LRP2: variants seen among roughly 807,000 people sequenced by gnomAD.
The protein encoded by LRP2 is low-density lipoprotein receptor-related protein 2.
Under a neutral mutation model 531.0 loss-of-function variants are expected in LRP2, and 172 were observed. That is an observed-to-expected ratio of 0.32 (90% CI 0.29 to 0.37). The LOEUF (loss-of-function observed/expected upper bound fraction) is 0.37. Among genes scored for constraint, LRP2 ranks in the 10% least tolerant of loss-of-function variants. The probability of loss-of-function intolerance (pLI) is 1.00; values close to 1 mark genes in which losing one functional copy is unlikely to be tolerated. For missense variants in LRP2, 5,167 were observed against 5,868.3 expected, an observed-to-expected ratio of 0.88 and a Z score of 3.90; for synonymous variants, 1,992 against 2,027.6, an observed-to-expected ratio of 0.98 and a Z score of 0.47.
intron 70 of LRP2, among the ~76,000 whole-genome samples, chr2:169,144,272 C>A (rs1385840735): frequency 1.3e-5 from 2 of 152,288 alleles, no homozygotes; most frequent in Middle Eastern, 3.4e-3. Context: ...ACAGATGGGG[C>A]CCACGAATCT....
At chr2:169,186,747 TG>T (rs1460473342) in intron 49 of LRP2, among the ~76,000 whole-genome samples, 1 of 152,208 alleles carries the variant, frequency 6.6e-6, no homozygotes. Flanking sequence ...TCCTTCCAGT[TG>T]TAAGAGTGAA....
At chr2:169,286,050 A>C (rs1325419283) in intron 9 of LRP2, among the ~76,000 whole-genome samples, 1 of 152,228 alleles carries the variant, frequency 6.6e-6, no homozygotes, top group African/African-American at 2.4e-5. Flanking sequence ...CTAAAAATTC[A>C]GCTCAGCTGA....
In LRP2 at chr2:169,172,072, G is replaced by A. The variant is rs1275575465; in HGVS notation, c.11206C>T (p.Arg3736Cys). 5 of 1,614,046 alleles carry A rather than the reference G, an allele frequency of 3.1e-6. No homozygotes were observed. Among genetic ancestry groups the A allele is most frequent in the Non-Finnish European group, 2.5e-6 (3 of 1,180,010 alleles). Residue 3736 changes from arginine (R) to cysteine (C), a missense_variant, in exon 58 of 79, where the codon CGT (arginine) becomes TGT (cysteine). Coordinates refer to ENST00000649046, the MANE Select transcript of LRP2 (RefSeq NM_004525.3). Reference sequence around the variant, plus strand: ...TCATTTTGCCCATCACACTGCCAACGAAGAGGGATGCAGTGGTGATTTTTA... The same window carrying A: ...TCATTTTGCCCATCACACTGCCAACAAAGAGGGATGCAGTGGTGATTTTTA... ...RCKNHHCIPL[R>C]WQCDGQNDCG...
intron 5 of LRP2, 66 bp downstream of exon 5, chr2:169,294,534 T>C: frequency 8.8e-7 from 1 of 1,133,752 alleles, no homozygotes; most frequent in Non-Finnish European, 1.3e-6. Flanking sequence ...ATGTACATAT[T>C]GGCTCTCTCA....
At chr2:169,178,602 T>C (rs1687305905) in intron 52 of LRP2, among the ~76,000 whole-genome samples, 1 of 152,210 alleles carries the variant, frequency 6.6e-6, no homozygotes, top group African/African-American at 2.4e-5. Context: ...AATCGTGCCA[T>C]GGCACCATTA....
At chr2:169,240,009 T>G (rs1689747836) in intron 25 of LRP2, among the ~76,000 whole-genome samples, 1 of 152,198 alleles carries the variant, frequency 6.6e-6, no homozygotes, top group South Asian at 2.1e-4. Flanking sequence ...CCTTCTTCAC[T>G]ACAACCCAAT....
chr2:169,291,048 C>T, intron 7 of LRP2, 51 bp from the exon 8 acceptor site: 1 of 1,562,548 alleles, frequency 6.4e-7, no homozygotes, highest in South Asian at 1.1e-5. Context: ...GTACAGCCAG[C>T]TCTTTGTTAA....
rs1486088245 is a variant in LRP2 at position 169,205,551 on chromosome 2, C to T, written c.7643G>A (p.Ser2548Asn). Residue 2548 changes from serine to asparagine, a missense_variant, in exon 41 of 79, where the codon AGC (serine) becomes AAC (asparagine). Coordinates refer to ENST00000649046, the MANE Select transcript of LRP2 (RefSeq NM_004525.3). ...CAGCCCACTGGGCATGACCAGACTG[C>T]TGTTCACAATGGGTACGCGGAAGTT... is the stretch of plus-strand genomic sequence containing the variant. ...GGNFRVPIVN[S>N]SLVMPSGLTL... 2 of 1,614,140 alleles carry T rather than the reference C, an allele frequency of 1.2e-6. No homozygotes were observed. Among genetic ancestry groups the T allele is most frequent in the South Asian group, 2.2e-5 (2 of 91,090 alleles).
chr2:169,128,737 T>C lies in LRP2; in HGVS notation c.13894A>G (p.Thr4632Ala), dbSNP rs1261677981. The change falls in exon 79 of 79, where the codon ACT becomes GCT. Residue 4632 changes from threonine to alanine, a missense_variant. Transcript: ENST00000649046. ...TCTTCTGTTGCAGAATAGGTTGGAGTTGGGTCTCTTCTCGAAGGAGGCTTA... is the reference window on the plus strand; with the variant it reads ...TCTTCTGTTGCAGAATAGGTTGGAGCTGGGTCTCTTCTCGAAGGAGGCTTA... ...KPKPPSRRDP[T>A]PTYSATEDTF... is the part of the protein sequence containing the mutation. 6.2e-7 allele frequency: 1 copy of C among 1,614,078 alleles called. No homozygotes were observed. Among genetic ancestry groups the C allele is most frequent in the Admixed American group, 1.7e-5 (1 of 59,996 alleles).
chr2:169,280,378 ACT>A lies in LRP2; in HGVS notation c.1311_1312del (p.Arg437SerfsTer10). On this transcript the variant is annotated frameshift_variant, in exon 11 of 79. Coordinates refer to ENST00000649046, the MANE Select transcript of LRP2 (RefSeq NM_004525.3). LOFTEE classifies it high-confidence loss of function. Reference sequence around the variant, plus strand: ...ATTTTGCACGGTGTCTGTCCAAAAAACTCTTTGCAGGTGATAGTGGAAAGCCA... The same window carrying A: ...ATTTTGCACGGTGTCTGTCCAAAAAACTTTGCAGGTGATAGTGGAAAGCCA... The A allele has an allele frequency of 6.2e-7, 1 of 1,613,740 alleles. No homozygotes were observed. Among genetic ancestry groups the A allele is most frequent in the Non-Finnish European group, 8.5e-7 (1 of 1,179,950 alleles).
At chr2:169,198,663 C>T in intron 45 of LRP2, 123 bp downstream of exon 45, 1 of 1,174,578 alleles carries the variant, frequency 8.5e-7, no homozygotes. Flanking sequence ...ACCACCTCTA[C>T]TTAGAAGGTC....
chr2:169,191,800 C>T (rs772775999), intron 48 of LRP2, 32 bp downstream of exon 48: 12 of 1,593,584 alleles, frequency 7.5e-6, no homozygotes, highest in South Asian at 1.1e-5. Flanking sequence ...ACATTTGAGG[C>T]ATGCTGGGTA....
Position 169,292,242 on chromosome 2 carries a change from C to A in LRP2, c.769+11G>T. ...AAATGCTTTTCAGTAGGAATCTCTT[C>A]CCCTCCTTACCACATCCATCTTCAT... On this transcript the variant is annotated intron_variant, in intron 7 of 78. Transcript: ENST00000649046. 4 of 1,557,840 alleles carry A rather than the reference C, an allele frequency of 2.6e-6. No homozygotes were observed. Among genetic ancestry groups the A allele is most frequent in the Non-Finnish European group, 3.5e-6 (4 of 1,128,584 alleles).
At chr2:169,234,697 C>T (rs1406913008) in intron 29 of LRP2, among the ~76,000 whole-genome samples, 1 of 152,154 alleles carries the variant, frequency 6.6e-6, no homozygotes, top group East Asian at 1.9e-4. Flanking sequence ...GAGGAATTGC[C>T]ACACTATCTT....
rs769515410 is a variant in LRP2 at position 169,244,685 on chromosome 2, A to G, written c.3430+8T>C. The G allele has an allele frequency of 6.2e-7, 1 of 1,614,220 alleles. No homozygotes were observed. The highest frequency in any genetic ancestry group is 8.5e-7 in the Non-Finnish European group (1 of 1,180,032). On this transcript the variant is annotated splice_region_variant and intron_variant, in intron 22 of 78. Transcript: ENST00000649046. ...TGACCAACCAAGGGAAACCAGCTCAAAACTTACTGCAGTTCTTTTCATCAG... is the reference window on the plus strand; with the variant it reads ...TGACCAACCAAGGGAAACCAGCTCAGAACTTACTGCAGTTCTTTTCATCAG...
chr2:169,166,001 T>G lies in LRP2; in HGVS notation c.11689A>C (p.Ile3897Leu), dbSNP rs771527344. The G allele has an allele frequency of 2.5e-6, 4 of 1,614,068 alleles. No homozygotes were observed. In the South Asian group the frequency reaches 3.3e-5, roughly 13 times the overall value. ...CCATTGCACACCTCATGACTATAAA[T>G]GCAGCGATTGTTGTCACACCGGAAA... ...NRFRCDNNRC[I>L]YSHEVCNGVD... The change falls in exon 62 of 79, where the codon ATT becomes CTT. Residue 3897 changes from isoleucine to leucine, a missense_variant. By Grantham distance (5) the Ile-to-Leu change is conservative. Coordinates refer to ENST00000649046, the MANE Select transcript of LRP2 (RefSeq NM_004525.3).
chr2:169,145,959 T>C, intron 69 of LRP2, 36 bp from the exon 70 acceptor site: 4 of 1,606,904 alleles, frequency 2.5e-6, no homozygotes, highest in Non-Finnish European at 3.4e-6. Flanking sequence ...AACAGAAGGT[T>C]ATTGAAAAGA....
chr2:169,324,258 C>G (rs1574257116), intron 1 of LRP2, among the ~76,000 whole-genome samples: 1 of 152,166 alleles, frequency 6.6e-6, no homozygotes, highest in East Asian at 1.9e-4. Context: ...TCTGACAGCT[C>G]TGATTCCAGC....
At chr2:169,131,105 A>G (rs549657668) in intron 77 of LRP2, among the ~76,000 whole-genome samples, 1 of 152,344 alleles carries the variant, frequency 6.6e-6, no homozygotes, top group East Asian at 1.9e-4. Context: ...GACCAAATAT[A>G]TGACATTCAA....
Sources: allele counts gnomAD v4.1 joint callset (sites outside exome capture counted in the v4.1 genomes callset), GRCh38; gene constraint gnomAD v4.1.1; transcripts MANE v1.5; gene names NCBI Gene and HGNC (gene_info 2026-07-23, HGNC 2026-07-21).